MDN1: variants seen among roughly 807,000 people sequenced by gnomAD.
The protein encoded by MDN1 is midasin.
In MDN1, 266 loss-of-function variants were observed where a neutral mutation model predicts 669.2. That is an observed-to-expected ratio of 0.40 (90% CI 0.36 to 0.44). The LOEUF (loss-of-function observed/expected upper bound fraction) is 0.44. MDN1 is among the 20% of genes least tolerant of loss of function. MDN1 has a pLI of 1.00. For synonymous variants in MDN1, 2,385 were observed against 2,457.1 expected (o/e 0.97, Z 0.87); for missense variants, 5,940 against 6,754.0 (o/e 0.88, Z 4.22).
At position 89,699,545 on chromosome 6, in the gene MDN1, GAAAATCTAACCA is replaced by G. The variant is rs1238443852; in HGVS notation, c.8997+44_8997+55del. The G allele has an allele frequency of 4.6e-6, 7 of 1,537,638 alleles. No individual in the cohort carries two copies. In the East Asian group the frequency reaches 1.2e-4, roughly 25 times the overall value. On this transcript the variant is annotated intron_variant, in intron 58 of 101. Transcript: ENST00000369393. ...AATGTTTCCCAACCAGTCTGTCAAA[GAAAATCTAACCA>G]ACTCATAATGTAAAGGAGGCTTATG...
chr6:89,762,565 T>G (rs755294240), intron 15 of MDN1, 35 bp from the exon 16 acceptor site: 1 of 1,503,086 alleles, frequency 6.7e-7, no homozygotes. Context: ...ATTCACAAAC[T>G]TCTGAAGTTA....
chr6:89,692,552 G>A lies in MDN1; in HGVS notation c.10478C>T (p.Pro3493Leu), dbSNP rs142818621. The change falls in exon 63 of 102, where the codon CCC becomes CTC. Residue 3493 changes from proline to leucine, a missense_variant. By Grantham distance (98) the Pro-to-Leu change is moderately conservative. This residue lies in a region of MDN1 where 2,280 missense variants were observed against 2,576.3 expected (regional missense o/e 0.88). Coordinates refer to ENST00000369393, the MANE Select transcript of MDN1 (RefSeq NM_014611.3). ...ATTCATCAGCAGCTGCTCCCGAGTGGGACAGGCTTTCTGGCCCTTGCCTTC... is the reference window on the plus strand; with the variant it reads ...ATTCATCAGCAGCTGCTCCCGAGTGAGACAGGCTTTCTGGCCCTTGCCTTC... ...ELEGKGQKAC[P>L]TREQLLMNAL... 2.3e-5 allele frequency: 37 copies of A among 1,614,230 alleles called. No individual in the cohort carries two copies. The African/African-American group carries it at 3.9e-4, about 17-fold the overall frequency.
chr6:89,710,096 C>A (rs1031216880), intron 50 of MDN1, among the ~76,000 whole-genome samples: 18 of 152,262 alleles, frequency 1.2e-4, no homozygotes, highest in Middle Eastern at 3.4e-3. Context: ...AATTAAATGA[C>A]CCTGTGTAAC....
At chr6:89,697,078 A>G (rs1812806854) in intron 59 of MDN1, among the ~76,000 whole-genome samples, 1 of 152,190 alleles carries the variant, frequency 6.6e-6, no homozygotes, top group South Asian at 2.1e-4. Context: ...GTTTATCACT[A>G]AAGGCTTTGA....
chr6:89,688,901 G>A, intron 65 of MDN1, 93 bp from the exon 66 acceptor site: 4 of 1,020,606 alleles, frequency 3.9e-6, no homozygotes, highest in Non-Finnish European at 5.9e-6. Context: ...CAGGTGCAGT[G>A]GCTCATGTCT....
In MDN1 at chr6:89,718,869, G is replaced by A. The variant is rs116146411; in HGVS notation, c.6219C>T (p.Thr2073=). The change falls in exon 42 of 102, where the codon ACC becomes ACT. Residue 2073 remains threonine, a synonymous_variant. Coordinates refer to ENST00000369393, the MANE Select transcript of MDN1 (RefSeq NM_014611.3). ...ILVGPASVGK[T]SLVQLLAHLT... ...GGTGTGCCAGAAGCTGGACCAGGCT[G>A]GTCTTGCCCACAGAGGCTGGCCCGA... is the stretch of plus-strand genomic sequence containing the variant. 3.1e-4 allele frequency: 503 copies of A among 1,614,148 alleles called. No homozygotes were observed. In the African/African-American group the frequency reaches 6.2e-3, roughly 20 times the overall value.
Position 89,720,870 on chromosome 6 carries a change from T to C in MDN1, c.5968-1645A>G, listed in dbSNP as rs191527724. Among the ~76,000 whole-genome samples the C allele has an allele frequency of 2.9e-3, 446 of 152,270 alleles. 4 individuals carry two copies. Among genetic ancestry groups the C allele is most frequent in the African/African-American group, 9.6e-3 (397 of 41,544 alleles). ...TGGGTGGCCGGGCACAGTGGCTCAC[T>C]CCATTTGTAATCACAGCACTTTGGG... is the stretch of plus-strand genomic sequence containing the variant. On this transcript the variant is annotated intron_variant, in intron 40 of 101. Transcript: ENST00000369393.
At chr6:89,707,529 C>T (rs1584237901) in intron 51 of MDN1, 53 bp from the exon 52 acceptor site, 2 of 1,106,840 alleles carry the variant, frequency 1.8e-6, no homozygotes, top group East Asian at 4.7e-5. Flanking sequence ...ATAACATTTT[C>T]AATCATATCC....
At chr6:89,699,825 T>A in intron 57 of MDN1, 98 bp from the exon 58 acceptor site, 1 of 1,321,060 alleles carries the variant, frequency 7.6e-7, no homozygotes, top group Non-Finnish European at 1.0e-6. Context: ...AAACTTACAG[T>A]ACATTTATCT....
chr6:89,675,767 TGG>T (rs1051585313), intron 77 of MDN1, 188 bp from the exon 78 acceptor site: 7 of 579,358 alleles, frequency 1.2e-5, no homozygotes, highest in Middle Eastern at 4.4e-4. Flanking sequence ...AGACAGGAAC[TGG>T]ATTTAACTCC....
intron 5 of MDN1, among the ~76,000 whole-genome samples, chr6:89,791,873 TA>T: frequency 7.5e-6 from 1 of 134,134 alleles, no homozygotes; most frequent in Non-Finnish European, 1.6e-5. Flanking sequence ...TCAAAACTTT[TA>T]ATTTTTTTTT....
At chr6:89,731,075 G>A (rs1357160336) in intron 34 of MDN1, 152 bp from the exon 35 acceptor site, 1 of 627,486 alleles carries the variant, frequency 1.6e-6, no homozygotes, top group East Asian at 2.7e-5. Context: ...TCCTAAGAAA[G>A]AAGTCCAACA....
rs1366987240 is a variant in MDN1, at chr6:89,706,056, T to C, written c.8148+3A>G. ...AAAAATAAAACAAGATGCAGTTCCT[T>C]ACCTCATTGGCACTGGCATCAGACA... On this transcript the variant is annotated splice_donor_region_variant and intron_variant, in intron 53 of 101. Coordinates refer to ENST00000369393, the MANE Select transcript of MDN1 (RefSeq NM_014611.3). 19 of 1,601,582 alleles carry C rather than the reference T, an allele frequency of 1.2e-5. No individual in the cohort carries two copies. Among genetic ancestry groups the C allele is most frequent in the Non-Finnish European group, 1.5e-5 (18 of 1,173,446 alleles).
At chr6:89,792,089 C>T (rs1432963941) in intron 5 of MDN1, among the ~76,000 whole-genome samples, 3 of 151,758 alleles carry the variant, frequency 2.0e-5, no homozygotes, top group African/African-American at 7.3e-5. Context: ...AGGATGGTCT[C>T]GATCTCCTGA....
Position 89,683,328 on chromosome 6 carries a change from G to A in MDN1, c.11906C>T (p.Thr3969Ile), listed in dbSNP as rs142935859. Residue 3969 changes from threonine to isoleucine, a missense_variant and splice_region_variant, in exon 73 of 102, where the codon ACA (threonine) becomes ATA (isoleucine). Physicochemically the swap from Thr to Ile is moderately conservative, Grantham distance 89. This residue lies in a region of MDN1 where 2,280 missense variants were observed against 2,576.3 expected (regional missense o/e 0.88). Transcript: ENST00000369393. ...IKQSVEKTHR[T>I]LFKFMKKFEA... Reference sequence around the variant, plus strand: ...AAATTTCTTCATGAATTTAAAGAGTGTCCTGTCCCCAGGTAATGACAGAGA... The same window carrying A: ...AAATTTCTTCATGAATTTAAAGAGTATCCTGTCCCCAGGTAATGACAGAGA... 27 of 1,613,716 alleles carry A rather than the reference G, an allele frequency of 1.7e-5. No individual in the cohort carries two copies. In the African/African-American group the frequency reaches 3.3e-4, roughly 20 times the overall value.
At chr6:89,806,387 A>C (rs1347894302) in intron 1 of MDN1, among the ~76,000 whole-genome samples, 1 of 152,136 alleles carries the variant, frequency 6.6e-6, no homozygotes, top group Non-Finnish European at 1.5e-5. Context: ...ATGTGGTAAG[A>C]TGCCATCTCT....
Position 89,819,636 on chromosome 6 carries a change from C to G in MDN1, c.-29G>C, listed in dbSNP as rs1232672617. The G allele has an allele frequency of 1.9e-6, 3 of 1,577,082 alleles. No homozygotes were observed. The African/African-American group carries it at 4.0e-5, about 21-fold the overall frequency. ...CCAGGGCCCTCACCCCGAGCGGCCA[C>G]CTGCGCTCCCTACTTCGCGGCCAGC... On this transcript the variant is annotated 5_prime_UTR_variant, in exon 1 of 102. Transcript: ENST00000369393.
At chr6:89,738,259 A>C in intron 33 of MDN1, 67 bp downstream of exon 33, 5 of 1,532,102 alleles carry the variant, frequency 3.3e-6, no homozygotes, top group Non-Finnish European at 4.5e-6. Flanking sequence ...CCTGTAAGAG[A>C]TCCCTCAACT....
At chr6:89,797,687 A>G in intron 2 of MDN1, 1 of 474,468 alleles carries the variant, frequency 2.1e-6, no homozygotes, top group Non-Finnish European at 4.3e-6. Flanking sequence ...GTCTACCAAA[A>G]TCTGCCTTCA....
Sources: allele counts gnomAD v4.1 joint callset (sites outside exome capture counted in the v4.1 genomes callset), GRCh38; gene constraint gnomAD v4.1.1; regional missense constraint gnomAD v4.1.1; transcripts MANE v1.5; gene names NCBI Gene and HGNC (gene_info 2026-07-23, HGNC 2026-07-21).